PRKCG: variants seen among roughly 807,000 people sequenced by gnomAD.
The protein encoded by PRKCG is protein kinase C gamma type.
Under a neutral mutation model 82.0 loss-of-function variants are expected in PRKCG, and 28 were observed. That is an observed-to-expected ratio of 0.34 (90% CI 0.25 to 0.47). The LOEUF is 0.47. Ranked by LOEUF, PRKCG falls within the 20% of genes least tolerant of loss-of-function variation. The pLI is 1.00. For synonymous variants in PRKCG, 383 were observed against 376.6 expected (o/e 1.02, Z -0.20); for missense variants, 640 against 952.7 (o/e 0.67, Z 4.32).
intron 9 of PRKCG, among the ~76,000 whole-genome samples, chr19:53,894,169 C>A (rs955149942): frequency 6.6e-6 from 1 of 151,808 alleles, no homozygotes; most frequent in African/African-American, 2.4e-5. Flanking sequence ...GGGTTCACGC[C>A]ATTCTCCTGC....
chr19:53,898,762 G>T (rs2068736786), intron 11 of PRKCG, 134 bp downstream of exon 11: 8 of 341,706 alleles, frequency 2.3e-5, no homozygotes, highest in Non-Finnish European at 4.3e-5. Context: ...CAGGCGGATT[G>T]TCTCCTCAGG....
Position 53,884,361 on chromosome 19 carries a change from GAT to G in PRKCG, c.285+120_285+121del. 1.0e-6 allele frequency: 1 copy of G among 989,252 alleles called. No homozygotes were observed. Among genetic ancestry groups the G allele is most frequent in the East Asian group, 2.5e-5 (1 of 40,498 alleles). The allele number at this position is 989,252 out of a possible 1,614,324, so 61.3% of individuals were successfully genotyped here. A position where few individuals can be genotyped will look rare whatever the true frequency, so the allele number is the denominator to read the frequency against. On this transcript the variant is annotated intron_variant, in intron 3 of 17. Transcript: ENST00000263431. This position sits in a 1 kb window ranked among gnomAD's most constrained non-coding sequence, Gnocchi z 4.6. ...GCTGGGAGGGGAGGGGGGCTGGAGA[GAT>G]AGGGGGAGCTATCTGGCCCAGATTC... is the stretch of plus-strand genomic sequence containing the variant.
rs1294543042 is a variant in PRKCG at position 53,893,040 on chromosome 19, G to A, written c.874G>A (p.Asp292Asn). Residue 292 changes from aspartate to asparagine, a missense_variant, in exon 8 of 18, where the codon GAT (aspartate) becomes AAT (asparagine). Coordinates refer to ENST00000263431, the MANE Select transcript of PRKCG (RefSeq NM_002739.5). The part of the protein sequence containing the change: ...EGEYYNVPVA[D>N]ADNCSLLQKF... Reference sequence around the variant, plus strand: ...CGAGTATTACAATGTGCCGGTGGCCGATGCTGACAACTGCAGCCTCCTCCA... The same window carrying A: ...CGAGTATTACAATGTGCCGGTGGCCAATGCTGACAACTGCAGCCTCCTCCA... 7.4e-6 allele frequency: 12 copies of A among 1,613,876 alleles called. No homozygotes were observed. Among genetic ancestry groups the A allele is most frequent in the Non-Finnish European group, 9.3e-6 (11 of 1,179,998 alleles).
In PRKCG at chr19:53,884,370, A is replaced by G; in HGVS notation, c.285+127A>G. 3 of 923,898 alleles carry G rather than the reference A, an allele frequency of 3.2e-6. No individual in the cohort carries two copies. Among genetic ancestry groups the G allele is most frequent in the Non-Finnish European group, 3.4e-6 (2 of 580,444 alleles). The allele number at this position is 923,898 out of a possible 1,614,324, so 57.2% of individuals were successfully genotyped here. A position where few individuals can be genotyped will look rare whatever the true frequency, so the allele number is the denominator to read the frequency against. On this transcript the variant is annotated intron_variant, in intron 3 of 17. Transcript: ENST00000263431. The surrounding 1 kb of genome is among the most constrained non-coding windows in gnomAD (Gnocchi z 4.6). ...GGAGGGGGGCTGGAGAGATAGGGGG[A>G]GCTATCTGGCCCAGATTCCTTGCCC... is the stretch of plus-strand genomic sequence containing the variant.
Position 53,900,163 on chromosome 19 carries a change from T to C in PRKCG, c.1282-70T>C. ...TGGAACCTTCCACGTCTGTCCTGAG[T>C]GATCAGGAAAGAAATTCTCCTACTC... On this transcript the variant is annotated intron_variant, in intron 11 of 17. Coordinates refer to ENST00000263431, the MANE Select transcript of PRKCG (RefSeq NM_002739.5). This position sits in a 1 kb window ranked among gnomAD's most constrained non-coding sequence, Gnocchi z 4.2. 3.6e-6 allele frequency: 5 copies of C among 1,402,466 alleles called. No homozygotes were observed. The highest frequency in any genetic ancestry group is 5.1e-6 in the Non-Finnish European group (5 of 987,646). 86.9% of individuals were successfully genotyped at this position (1,402,466 alleles called of 1,614,324 possible).
upstream of PRKCG, among the ~76,000 whole-genome samples, chr19:53,881,626 A>G (rs1599935960): frequency 6.6e-6 from 1 of 152,102 alleles, no homozygotes; most frequent in East Asian, 1.9e-4. Context: ...CAGAGGAAAT[A>G]GAGAAATAGA....
chr19:53,883,619 G>A lies in PRKCG; in HGVS notation c.202+425G>A, dbSNP rs2068609940. On this transcript the variant is annotated intron_variant, in intron 2 of 17. Transcript: ENST00000263431. The surrounding 1 kb of genome is among the most constrained non-coding windows in gnomAD (Gnocchi z 5.4). The stretch of plus-strand genomic sequence containing the variant: ...ACCAATGGGCGAGTGGGGGCCGGGC[G>A]GGGCCGGCAGTTCTGGGGGGCGGGA... Among the ~76,000 whole-genome samples, 1 of 150,438 alleles carries A rather than the reference G, an allele frequency of 6.6e-6. No individual in the cohort carries two copies. Among genetic ancestry groups the A allele is most frequent in the African/African-American group, 2.4e-5 (1 of 40,824 alleles).
At chr19:53,906,245 C>T in intron 16 of PRKCG, 72 bp from the exon 17 acceptor site, 1 of 1,540,782 alleles carries the variant, frequency 6.5e-7, no homozygotes, top group Admixed American at 2.0e-5. Context: ...TGTCTCTGTC[C>T]CTCTTTCTCT....
intron 9 of PRKCG, among the ~76,000 whole-genome samples, chr19:53,894,247 A>G (rs1436616306): frequency 6.7e-6 from 1 of 149,608 alleles, no homozygotes; most frequent in Non-Finnish European, 1.5e-5. Flanking sequence ...TTGTATTTTT[A>G]GTAGAGATGG....
At position 53,900,189 on chromosome 19, in the gene PRKCG, T is replaced by C; in HGVS notation, c.1282-44T>C. ...GATCAGGAAAGAAATTCTCCTACTC[T>C]GGGTAGATGGATCCCGCCTCTAAGC... is the stretch of plus-strand genomic sequence containing the variant. On this transcript the variant is annotated intron_variant, in intron 11 of 17. Coordinates refer to ENST00000263431, the MANE Select transcript of PRKCG (RefSeq NM_002739.5). The surrounding 1 kb of genome is among the most constrained non-coding windows in gnomAD (Gnocchi z 4.2). 6.4e-7 allele frequency: 1 copy of C among 1,554,306 alleles called. No homozygotes were observed. Among genetic ancestry groups the C allele is most frequent in the South Asian group, 1.1e-5 (1 of 89,886 alleles).
intron 9 of PRKCG, among the ~76,000 whole-genome samples, chr19:53,895,785 C>T (rs1210217436): frequency 2.6e-5 from 4 of 151,358 alleles, no homozygotes; most frequent in Non-Finnish European, 2.9e-5. Flanking sequence ...TGCGGCCGGG[C>T]GCAGTGGCTC....
chr19:53,889,073 C>T lies in PRKCG; in HGVS notation c.286-565C>T, dbSNP rs1433810258. On this transcript the variant is annotated intron_variant, in intron 3 of 17. Transcript: ENST00000263431. The surrounding 1 kb of genome is among the most constrained non-coding windows in gnomAD (Gnocchi z 4.4). ...ATTCAAGCAATTCTCATGCCTCAGC[C>T]TCCTGAGTAGCTGGGATTACAGGCA... Among the ~76,000 whole-genome samples the T allele has an allele frequency of 6.6e-6, 1 of 152,130 alleles. No individual in the cohort carries two copies. Among genetic ancestry groups the T allele is most frequent in the African/African-American group, 2.4e-5 (1 of 41,412 alleles).
intron 9 of PRKCG, among the ~76,000 whole-genome samples, chr19:53,896,374 CTGATTATTATTA>C (rs2068717933): frequency 9.1e-6 from 1 of 109,972 alleles, no homozygotes; most frequent in African/African-American, 3.3e-5. Context: ...AGAAACAGCC[CTGATTATTATTA>C]TTATTATTAT....
In PRKCG at chr19:53,884,390, T is replaced by A; in HGVS notation, c.285+147T>A. The A allele has an allele frequency of 1.2e-6, 1 of 825,272 alleles. No individual in the cohort carries two copies. Among genetic ancestry groups the A allele is most frequent in the Admixed American group, 2.0e-5 (1 of 50,318 alleles). 51.1% of individuals were successfully genotyped at this position (825,272 alleles called of 1,614,324 possible). A position where few individuals can be genotyped will look rare whatever the true frequency, so the allele number is the denominator to read the frequency against. ...GGGGGAGCTATCTGGCCCAGATTCC[T>A]TGCCCTTGGCCTGGAAAGGGGGAAT... On this transcript the variant is annotated intron_variant, in intron 3 of 17. Transcript: ENST00000263431. This position sits in a 1 kb window ranked among gnomAD's most constrained non-coding sequence, Gnocchi z 4.6.
Position 53,891,691 on chromosome 19 carries a change from C to T in PRKCG, c.547C>T (p.Leu183=). ...CCGTTTAGTTGGCGAGGCCCGTAAC[C>T]TAATTCCTATGGACCCCAATGGTCT... ...IHVTVGEARN[L]IPMDPNGLSD... Residue 183 remains leucine, a synonymous_variant, in exon 6 of 18, where the codon CTA becomes TTA. Coordinates refer to ENST00000263431, the MANE Select transcript of PRKCG (RefSeq NM_002739.5). 1.2e-6 allele frequency: 2 copies of T among 1,614,062 alleles called. No homozygotes were observed. The highest frequency in any genetic ancestry group is 2.2e-5 in the South Asian group (2 of 91,086).
At chr19:53,904,605 C>T (rs377153409) in intron 15 of PRKCG, 30 bp from the exon 16 acceptor site, 2 of 1,594,678 alleles carry the variant, frequency 1.3e-6, no homozygotes, top group Non-Finnish European at 1.7e-6. Context: ...TGGGCATGTC[C>T]CTGACTCTCT....
At chr19:53,906,631 G>A (rs904537867) in intron 17 of PRKCG, 76 bp from the exon 18 acceptor site, 6 of 1,567,912 alleles carry the variant, frequency 3.8e-6, no homozygotes, top group Non-Finnish European at 5.3e-6. Context: ...GACAGGAGAT[G>A]AGACTGGGGT....
At chr19:53,885,385 C>T (rs2068624016) in intron 3 of PRKCG, among the ~76,000 whole-genome samples, 5 of 152,134 alleles carry the variant, frequency 3.3e-5, no homozygotes, top group Non-Finnish European at 1.5e-5. Context: ...CATGCCACCA[C>T]ACCCCGCTAA....
chr19:53,903,230 A>G, intron 15 of PRKCG, 77 bp downstream of exon 15: 1 of 1,151,706 alleles, frequency 8.7e-7, no homozygotes, highest in Non-Finnish European at 1.3e-6. Context: ...GGAGCCAGTT[A>G]GAAAGGAGCC....
Sources: allele counts gnomAD v4.1 joint callset (sites outside exome capture counted in the v4.1 genomes callset), GRCh38; gene constraint gnomAD v4.1.1; non-coding constraint Gnocchi (gnomAD v3.1); transcripts MANE v1.5; gene names NCBI Gene and HGNC (gene_info 2026-07-23, HGNC 2026-07-21).